Variants in SLC38A4 observed in about 807,000 individuals in gnomAD.
The protein encoded by SLC38A4 is solute carrier family 38 member 4, also known as sodium-coupled neutral amino acid transporter 4.
Under a neutral mutation model 63.1 loss-of-function variants are expected in SLC38A4, and 20 were observed. The ratio of observed to expected loss-of-function variants is 0.32; its 90% CI spans 0.22 to 0.46. The LOEUF (loss-of-function observed/expected upper bound fraction) is 0.46, where lower values mean the gene tolerates loss of function less well. Ranked by LOEUF, SLC38A4 falls within the 20% of genes least tolerant of loss-of-function variation. SLC38A4 has a pLI of 1.00. For missense variants in SLC38A4, 526 were observed against 663.6 expected, an observed-to-expected ratio of 0.79 and a Z score of 2.28; for synonymous variants, 230 against 225.5, an observed-to-expected ratio of 1.02 and a Z score of -0.18.
chr12:46,778,591 C>T lies in SLC38A4; in HGVS notation c.903G>A (p.Gln301=), dbSNP rs1467375064. The change falls in exon 11 of 17, where the codon CAG becomes CAA. Residue 301 remains glutamine, a synonymous_variant. Transcript: ENST00000266579. ...HRNPAGLDEN[Q]AKGSLHDSGV... ...CACTGTCATGAAGAGAGCCCTTGGC[C>T]TGGTTCTCATCCAGCCCTGCAGGAT... is the stretch of plus-strand genomic sequence containing the variant. 3 of 1,613,050 alleles carry T rather than the reference C, an allele frequency of 1.9e-6. No individual in the cohort carries two copies. The highest frequency in any genetic ancestry group is 1.3e-5 in the African/African-American group (1 of 74,958).
intron 5 of SLC38A4, 95 bp downstream of exon 5, chr12:46,787,821 A>G: frequency 1.2e-6 from 1 of 859,156 alleles, no homozygotes; most frequent in Non-Finnish European, 1.8e-6. Context: ...CTGAGTCTTC[A>G]CGTTCACAAA....
chr12:46,785,233 T>C (rs1938733840), intron 5 of SLC38A4, 56 bp from the exon 6 acceptor site: 1 of 1,320,718 alleles, frequency 7.6e-7, no homozygotes, highest in Non-Finnish European at 1.1e-6. Flanking sequence ...AAAATGTAAT[T>C]ATGTTAGATG....
chr12:46,804,916 T>C (rs1276724386), intron 1 of SLC38A4, among the ~76,000 whole-genome samples: 1 of 152,026 alleles, frequency 6.6e-6, no homozygotes, highest in African/African-American at 2.4e-5. Flanking sequence ...CATCATTTAA[T>C]AGTGATGTTT....
In SLC38A4 at chr12:46,813,963, C is replaced by T. The variant is rs534196645; in HGVS notation, c.-304-10169G>A. Among the ~76,000 whole-genome samples, 20 of 152,086 alleles carry T rather than the reference C, an allele frequency of 1.3e-4. No homozygotes were observed. The South Asian group carries it at 1.7e-3, about 13-fold the overall frequency. ...TCTGACTTCAATACCTAATATGATA[C>T]CGATTTAATAAGTCTTTTTTGAATA... is the stretch of plus-strand genomic sequence containing the variant. On this transcript the variant is annotated intron_variant, in intron 1 of 16. Transcript: ENST00000266579.
At chr12:46,792,908 C>T (rs1436403078) in intron 3 of SLC38A4, 45 bp downstream of exon 3, 1 of 1,399,224 alleles carries the variant, frequency 7.1e-7, no homozygotes. Context: ...ATGTCCACAT[C>T]CTGTCTTATT....
At chr12:46,807,956 A>T (rs1269303745) in intron 1 of SLC38A4, among the ~76,000 whole-genome samples, 1 of 150,912 alleles carries the variant, frequency 6.6e-6, no homozygotes, top group East Asian at 2.0e-4. Context: ...TAATTTTCTA[A>T]TTTGCTTTGG....
At chr12:46,798,244 A>G (rs1318427435) in intron 2 of SLC38A4, among the ~76,000 whole-genome samples, 1 of 152,146 alleles carries the variant, frequency 6.6e-6, no homozygotes, top group Non-Finnish European at 1.5e-5. Flanking sequence ...CTCTGAGGAT[A>G]AAGTCCAAAA....
Position 46,823,595 on chromosome 12 carries a change from T to C in SLC38A4, c.-305+2308A>G, listed in dbSNP as rs527368496. On this transcript the variant is annotated intron_variant, in intron 1 of 16. Transcript: ENST00000266579. ...AAAACAGAGACTCAGGGCAATGCATTCAGTTAAACTCAAGTCTAGTCAGGG... is the reference window on the plus strand; with the variant it reads ...AAAACAGAGACTCAGGGCAATGCATCCAGTTAAACTCAAGTCTAGTCAGGG... Among the ~76,000 whole-genome samples, 9 of 152,344 alleles carry C rather than the reference T, an allele frequency of 5.9e-5. 1 individual carries two copies. In the South Asian group the frequency reaches 1.9e-3, roughly 32 times the overall value.
At chr12:46,813,500 C>G (rs1246621895) in intron 1 of SLC38A4, among the ~76,000 whole-genome samples, 1 of 152,000 alleles carries the variant, frequency 6.6e-6, no homozygotes, top group East Asian at 1.9e-4. Context: ...TGCCTAGGAG[C>G]TGAGAGACCT....
chr12:46,785,738 C>CTTTTTTTTT (rs11335369), intron 5 of SLC38A4, among the ~76,000 whole-genome samples: 2 of 66,900 alleles, frequency 3.0e-5, no homozygotes, highest in African/African-American at 5.3e-5. Flanking sequence ...ACGAAAATTC[C>CTTTTTTTTT]TTTTTTTTTT....
At chr12:46,783,051 T>TGTGTGTGCGC (rs1555170942) in intron 7 of SLC38A4, among the ~76,000 whole-genome samples, 2 of 140,978 alleles carry the variant, frequency 1.4e-5, no homozygotes, top group Non-Finnish European at 3.0e-5. Context: ...TGTGTGTGTG[T>TGTGTGTGCGC]GTGTGTGTTA....
At chr12:46,830,262 T>C (rs565526184), upstream of SLC38A4, among the ~76,000 whole-genome samples, 1 of 151,758 alleles carries the variant, frequency 6.6e-6, no homozygotes, top group South Asian at 2.1e-4. Context: ...TCTATAGATT[T>C]ATTTGTTAGA....
intron 2 of SLC38A4, among the ~76,000 whole-genome samples, chr12:46,794,771 G>A (rs1268162403): frequency 3.3e-5 from 5 of 151,798 alleles, no homozygotes; most frequent in African/African-American, 1.2e-4. Context: ...GTGAGACTAG[G>A]GTGAGACAAA....
In SLC38A4 at chr12:46,795,765, C is replaced by G. The variant is rs570572533; in HGVS notation, c.-112-2582G>C. On this transcript the variant is annotated intron_variant, in intron 2 of 16. Transcript: ENST00000266579. The stretch of plus-strand genomic sequence containing the variant: ...AGAATATTGAAGAAACTTCTCTCTT[C>G]TAGCTTCTATTGATGAGTCTGGCTC... 1.7e-3 allele frequency among the ~76,000 whole-genome samples: 255 copies of G among 152,176 alleles called. 1 individual carries two copies. The highest frequency in any genetic ancestry group is 3.2e-3 in the Admixed American group (49 of 15,272).
At chr12:46,809,585 A>G (rs1261131849) in intron 1 of SLC38A4, among the ~76,000 whole-genome samples, 1 of 152,102 alleles carries the variant, frequency 6.6e-6, no homozygotes, top group Admixed American at 6.6e-5. Context: ...AAGAGTTTGC[A>G]GTGCCCAGCA....
Position 46,787,773 on chromosome 12 carries a change from G to A in SLC38A4, c.326+143C>T, listed in dbSNP as rs945976287. 2.8e-5 allele frequency: 16 copies of A among 569,204 alleles called. No homozygotes were observed. The South Asian group carries it at 3.8e-4, about 14-fold the overall frequency. 35.3% of individuals were successfully genotyped at this position (569,204 alleles called of 1,614,324 possible). On this transcript the variant is annotated intron_variant, in intron 5 of 16. Coordinates refer to ENST00000266579, the MANE Select transcript of SLC38A4 (RefSeq NM_018018.5). ...ACATACACTTTCTGCCGTTGGGTTA[G>A]GGATGGTTGGGTGACCAAGTGCCAT...
intron 1 of SLC38A4, among the ~76,000 whole-genome samples, chr12:46,804,051 T>C (rs1490461131): frequency 6.6e-6 from 1 of 152,078 alleles, no homozygotes; most frequent in East Asian, 1.9e-4. Context: ...ACAATAGTTA[T>C]GAGGTCAGAT....
chr12:46,766,015 C>A lies in SLC38A4; in HGVS notation c.*686G>T, dbSNP rs1938291202. 1 of 160,264 alleles carries A rather than the reference C, an allele frequency of 6.2e-6. No individual in the cohort carries two copies. Among genetic ancestry groups the A allele is most frequent in the Non-Finnish European group, 1.4e-5 (1 of 72,960 alleles). The allele number at this position is 160,264 out of a possible 1,614,324, so 9.9% of individuals were successfully genotyped here. ...TTGCTCTATGATTGAAATAAAGCCC[C>A]TCTCTATATTTAGTGTTTTAACATT... On this transcript the variant is annotated 3_prime_UTR_variant, in exon 17 of 17. Coordinates refer to ENST00000266579, the MANE Select transcript of SLC38A4 (RefSeq NM_018018.5).
intron 3 of SLC38A4, 144 bp downstream of exon 3, chr12:46,792,809 C>T: frequency 1.5e-6 from 1 of 664,674 alleles, no homozygotes; most frequent in Non-Finnish European, 2.7e-6. Context: ...ATTTCAGGAC[C>T]AGGGAATTGA....
Sources: allele counts gnomAD v4.1 joint callset (sites outside exome capture counted in the v4.1 genomes callset), GRCh38; gene constraint gnomAD v4.1.1; transcripts MANE v1.5; gene names NCBI Gene and HGNC (gene_info 2026-07-23, HGNC 2026-07-21).